The following ACTR3C variants were observed in gnomAD, a reference collection of about 807,000 sequenced individuals.
ACTR3C encodes actin related protein 3C, also known as actin-related protein 3C.
In ACTR3C, 18 loss-of-function variants were observed where a neutral mutation model predicts 26.3. The ratio of observed to expected loss-of-function variants is 0.68; its 90% CI spans 0.47 to 1.01. The LOEUF is 1.01. ACTR3C is among the 50% of genes least tolerant of loss of function. The pLI is 0.00. For synonymous variants in ACTR3C, 55 were observed against 94.5 expected, an observed-to-expected ratio of 0.58 and a Z score of 2.42; for missense variants, 184 against 250.7, an observed-to-expected ratio of 0.73 and a Z score of 1.80.
intron 4 of ACTR3C, among the ~76,000 whole-genome samples, chr7:150,287,427 G>A (rs1264859395): frequency 2.6e-5 from 4 of 152,174 alleles, no homozygotes; most frequent in African/African-American, 9.7e-5. Context: ...CAGGCAGCCT[G>A]AGGGATGCGA....
At chr7:150,197,407 C>T in the ACTR3C span, among the ~76,000 whole-genome samples, 2 of 152,198 alleles carry the variant, frequency 1.3e-5, no homozygotes, top group African/African-American at 4.8e-5. Context: ...TGTTCAAACC[C>T]TATTTCAGCC....
chr7:150,200,043 CAATG>C, the ACTR3C span, among the ~76,000 whole-genome samples: 2 of 152,136 alleles, frequency 1.3e-5, no homozygotes, highest in Non-Finnish European at 2.9e-5. Context: ...CTATGAAAAT[CAATG>C]ATCTTTCAGC....
At chr7:149,953,363 TTTTG>T in the ACTR3C span, among the ~76,000 whole-genome samples, 1 of 149,794 alleles carries the variant, frequency 6.7e-6, no homozygotes, top group African/African-American at 2.5e-5. Flanking sequence ...TGTATTTCCC[TTTTG>T]TTTGTTTACC....
chr7:150,252,445 C>T (rs557046156), intron 6 of ACTR3C, among the ~76,000 whole-genome samples: 1 of 152,218 alleles, frequency 6.6e-6, no homozygotes. Context: ...AATGAAGGGG[C>T]TGCTTGGAGG....
chr7:150,160,126 C>G, the ACTR3C span, among the ~76,000 whole-genome samples: 1 of 152,078 alleles, frequency 6.6e-6, no homozygotes, highest in Non-Finnish European at 1.5e-5. Context: ...ATTCTAATCT[C>G]TAACAGAATT....
the ACTR3C span, among the ~76,000 whole-genome samples, chr7:149,966,091 T>A: frequency 6.6e-6 from 1 of 152,248 alleles, no homozygotes; most frequent in East Asian, 1.9e-4. Flanking sequence ...TCCATGGTGA[T>A]CTGCTCCGTA....
the ACTR3C span, chr7:150,047,759 C>T: frequency 6.0e-6 from 9 of 1,500,458 alleles, no homozygotes; most frequent in Middle Eastern, 1.9e-4. Context: ...CCTCCTCGGG[C>T]CCCTGGCCGC....
chr7:150,269,412 A>AC (rs1480513724), intron 6 of ACTR3C, among the ~76,000 whole-genome samples: 4 of 147,698 alleles, frequency 2.7e-5, no homozygotes, highest in South Asian at 4.4e-4. Context: ...CAAGCAGCAA[A>AC]CCCCCCCACC....
chr7:150,019,605 T>A, the ACTR3C span, among the ~76,000 whole-genome samples: 648 of 55,158 alleles, frequency 0.012, 9 homozygotes, highest in African/African-American at 0.041. Flanking sequence ...ATAAAAATAA[T>A]AATAATAATA....
chr7:150,082,766 CTTTG>C, the ACTR3C span, among the ~76,000 whole-genome samples: 9,559 of 151,998 alleles, frequency 0.063, 408 homozygotes, highest in Non-Finnish European at 0.098. Context: ...TTATGACTCT[CTTTG>C]TATTTACGAA....
chr7:149,992,525 T>C, the ACTR3C span, among the ~76,000 whole-genome samples: 1 of 152,202 alleles, frequency 6.6e-6, no homozygotes, highest in South Asian at 2.1e-4. Context: ...AAGAACAATA[T>C]GAGAAATGCA....
chr7:150,249,261 G>A (rs1469361934), intron 6 of ACTR3C, among the ~76,000 whole-genome samples: 1 of 152,024 alleles, frequency 6.6e-6, no homozygotes, highest in African/African-American at 2.4e-5. Flanking sequence ...AATGAATGAA[G>A]TGCTTTTCCA....
At chr7:150,037,139 C>G in the ACTR3C span, among the ~76,000 whole-genome samples, 249 of 55,860 alleles carry the variant, frequency 4.5e-3, 2 homozygotes, top group East Asian at 6.7e-3. Flanking sequence ...TCAGTCCCTG[C>G]CTCGTGGGGG....
At chr7:150,315,392 G>A (rs1211705804) in intron 1 of ACTR3C, among the ~76,000 whole-genome samples, 3 of 152,140 alleles carry the variant, frequency 2.0e-5, no homozygotes, top group African/African-American at 7.2e-5. Context: ...GAAGATGCTA[G>A]CAACGCCTAC....
the ACTR3C span, among the ~76,000 whole-genome samples, chr7:150,038,941 C>A: frequency 4.1e-5 from 4 of 97,894 alleles, 1 homozygote; most frequent in Non-Finnish European, 9.1e-5. Flanking sequence ...GGGGATAGCT[C>A]TCAGTCCCCA....
chr7:149,996,116 A>T, the ACTR3C span, among the ~76,000 whole-genome samples: 5 of 152,210 alleles, frequency 3.3e-5, no homozygotes, highest in African/African-American at 1.2e-4. Context: ...ACAGAGAAAG[A>T]TCACAAACCA....
At chr7:150,242,515 T>C (rs1372546792), downstream of ACTR3C, among the ~76,000 whole-genome samples, 1 of 151,590 alleles carries the variant, frequency 6.6e-6, no homozygotes, top group Non-Finnish European at 1.5e-5. Context: ...ATATGTGCAT[T>C]CTATTGTATG....
chr7:150,180,701 C>T, the ACTR3C span, among the ~76,000 whole-genome samples: 2 of 148,998 alleles, frequency 1.3e-5, no homozygotes, highest in Admixed American at 6.6e-5. Context: ...TTAGTAGAGA[C>T]GGGGTTTCAC....
chr7:149,979,863 C>A, the ACTR3C span, among the ~76,000 whole-genome samples: 1 of 149,094 alleles, frequency 6.7e-6, no homozygotes, highest in South Asian at 2.1e-4. Context: ...GAAGAGAGGC[C>A]TTTTGGATGC....
Sources: gnomAD v4.1 joint callset for allele counts (sites outside exome capture counted in the v4.1 genomes callset) on GRCh38, gnomAD v4.1.1 for gene constraint, MANE v1.5 for transcripts, NCBI Gene and HGNC (gene_info 2026-07-23, HGNC 2026-07-21) for gene names.